MROH9: variants seen among roughly 807,000 people sequenced by gnomAD.
The protein encoded by MROH9 is maestro heat like repeat family member 9, also known as maestro heat-like repeat-containing protein family member 9.
A neutral mutation model predicts 98.2 loss-of-function variants in MROH9; 92 were observed. That is an observed-to-expected ratio of 0.94 (90% confidence interval 0.79 to 1.11). The LOEUF (loss-of-function observed/expected upper bound fraction) is 1.11, where lower values mean the gene tolerates loss of function less well. MROH9 is among the 50% of genes most tolerant of loss of function. The pLI is 0.00. For synonymous variants in MROH9, 397 were observed against 368.9 expected, an observed-to-expected ratio of 1.08 and a Z score of -0.87; for missense variants, 1,057 against 1,014.8, an observed-to-expected ratio of 1.04 and a Z score of -0.57.
chr1:171,016,463 G>A, intron 17 of MROH9, 127 bp downstream of exon 17: 2 of 675,498 alleles, frequency 3.0e-6, no homozygotes, highest in Non-Finnish European at 4.3e-6. Context: ...CTTTTACAGA[G>A]ATAAAAATAT....
intron 1 of MROH9, among the ~76,000 whole-genome samples, chr1:170,942,409 A>C (rs530842759): frequency 0.013 from 1,722 of 134,390 alleles, 19 homozygotes; most frequent in Non-Finnish European, 0.019. Context: ...ACACACACAC[A>C]CCCTCAGAGA....
At chr1:170,971,943 C>T (rs994529823) in intron 8 of MROH9, 60 bp downstream of exon 8, 15 of 1,562,690 alleles carry the variant, frequency 9.6e-6, no homozygotes, top group African/African-American at 2.7e-5. Context: ...CGTTATTCAA[C>T]TTATAGGTCC....
chr1:170,942,515 C>G (rs1357445541), intron 1 of MROH9, among the ~76,000 whole-genome samples: 1 of 151,882 alleles, frequency 6.6e-6, no homozygotes. Context: ...GAAACTTTTG[C>G]TAAAGCAAAG....
intron 20 of MROH9, among the ~76,000 whole-genome samples, chr1:171,046,184 C>T (rs914983025): frequency 6.6e-6 from 1 of 151,984 alleles, no homozygotes; most frequent in Non-Finnish European, 1.5e-5. Context: ...CTATGTGTGT[C>T]TTTATAGGTG....
chr1:170,954,966 C>T (rs1422937460), intron 3 of MROH9, among the ~76,000 whole-genome samples: 1 of 151,832 alleles, frequency 6.6e-6, no homozygotes, highest in Non-Finnish European at 1.5e-5. Context: ...TATCCCCCTC[C>T]CACTCTTTCC....
chr1:171,051,550 GA>G (rs1338012273), intron 20 of MROH9, among the ~76,000 whole-genome samples: 3 of 152,060 alleles, frequency 2.0e-5, no homozygotes, highest in Non-Finnish European at 4.4e-5. Context: ...AGAACACATG[GA>G]AAAAGGGAAG....
At chr1:171,035,972 A>C (rs1213021645) in intron 20 of MROH9, among the ~76,000 whole-genome samples, 1 of 152,214 alleles carries the variant, frequency 6.6e-6, no homozygotes. Flanking sequence ...TCAAAGCAGC[A>C]TTACTAGTTA....
At position 170,971,765 on chromosome 1, in the gene MROH9, AT is replaced by A. The variant is rs772005547; in HGVS notation, c.499del (p.Cys167ValfsTer21). ...VRKYISVDAP[C>X]LGLLAAELSL... is the part of the protein sequence containing the mutation. Reference sequence around the variant, plus strand: ...TCCATTAGATAAGTGTTGATGCTCCATGTTTGGGTCTCCTGGCAGCAGAGCT... The same window carrying A: ...TCCATTAGATAAGTGTTGATGCTCCAGTTTGGGTCTCCTGGCAGCAGAGCT... On this transcript the variant is annotated frameshift_variant, in exon 8 of 22. Coordinates refer to ENST00000367759, the MANE Select transcript of MROH9 (RefSeq NM_001163629.2). LOFTEE classifies it high-confidence loss of function. 2.7e-5 allele frequency: 44 copies of A among 1,613,914 alleles called. No homozygotes were observed. Among genetic ancestry groups the A allele is most frequent in the Non-Finnish European group, 3.3e-5 (39 of 1,179,938 alleles).
intron 15 of MROH9, among the ~76,000 whole-genome samples, chr1:171,005,209 T>TGCA (rs1347190139): frequency 6.6e-6 from 1 of 152,034 alleles, no homozygotes; most frequent in African/African-American, 2.4e-5. Flanking sequence ...GGACTATAGG[T>TGCA]GCATGCCACC....
chr1:171,038,912 G>A (rs1653198471), intron 20 of MROH9, among the ~76,000 whole-genome samples: 1 of 152,028 alleles, frequency 6.6e-6, no homozygotes, highest in African/African-American at 2.4e-5. Context: ...AGAAGTTTCT[G>A]GGATTCCAGT....
chr1:170,971,512 A>G (rs570392086), intron 7 of MROH9, among the ~76,000 whole-genome samples: 2 of 152,146 alleles, frequency 1.3e-5, no homozygotes, highest in Non-Finnish European at 2.9e-5. Context: ...TCTTCTTGTC[A>G]TCAGTGTTAC....
intron 21 of MROH9, among the ~76,000 whole-genome samples, chr1:171,062,395 C>T (rs1008231314): frequency 2.6e-5 from 4 of 152,064 alleles, no homozygotes; most frequent in African/African-American, 9.7e-5. Context: ...ATTCTATTTC[C>T]CCTTACTCTC....
chr1:170,979,168 C>T (rs985300250), intron 8 of MROH9, among the ~76,000 whole-genome samples: 4 of 152,148 alleles, frequency 2.6e-5, no homozygotes, highest in Non-Finnish European at 5.9e-5. Context: ...ACAAAATTAA[C>T]GTGGGTTACT....
At chr1:171,016,006 G>A (rs1346234927) in intron 16 of MROH9, among the ~76,000 whole-genome samples, 157 bp from the exon 17 acceptor site, 1 of 152,016 alleles carries the variant, frequency 6.6e-6, no homozygotes, top group East Asian at 1.9e-4. Context: ...AATTTTCTTA[G>A]CAAAAAGTCA....
At chr1:171,006,864 C>T (rs1651970637) in intron 15 of MROH9, among the ~76,000 whole-genome samples, 1 of 151,384 alleles carries the variant, frequency 6.6e-6, no homozygotes. Flanking sequence ...CATGCATTGC[C>T]TTTCTAATTT....
intron 15 of MROH9, among the ~76,000 whole-genome samples, chr1:171,007,021 G>A (rs1349940148): frequency 6.6e-6 from 1 of 152,162 alleles, no homozygotes; most frequent in Non-Finnish European, 1.5e-5. Flanking sequence ...AATGTCATAT[G>A]TGCCTCATTC....
At chr1:170,942,298 A>T (rs1309884118) in intron 1 of MROH9, among the ~76,000 whole-genome samples, 1 of 151,648 alleles carries the variant, frequency 6.6e-6, no homozygotes, top group Non-Finnish European at 1.5e-5. Context: ...CCCTAAGAAG[A>T]CTCAGCATTA....
intron 17 of MROH9, among the ~76,000 whole-genome samples, chr1:171,020,287 C>G (rs1386385468): frequency 6.6e-6 from 1 of 152,096 alleles, no homozygotes; most frequent in African/African-American, 2.4e-5. Flanking sequence ...ATTCTGATTC[C>G]AAAACCTGGC....
At chr1:170,978,360 G>A (rs1278798555) in intron 8 of MROH9, among the ~76,000 whole-genome samples, 2 of 152,122 alleles carry the variant, frequency 1.3e-5, no homozygotes, top group East Asian at 1.9e-4. Flanking sequence ...TAGCAGAGGG[G>A]CTGTCAAACA....
Sources: gnomAD v4.1 joint callset for allele counts (sites outside exome capture counted in the v4.1 genomes callset) on GRCh38, gnomAD v4.1.1 for gene constraint, MANE v1.5 for transcripts, NCBI Gene and HGNC (gene_info 2026-07-23, HGNC 2026-07-21) for gene names.